FRMD4A: variants seen among roughly 807,000 people sequenced by gnomAD.
FRMD4A encodes the protein FERM domain containing 4A.
A neutral mutation model predicts 129.1 loss-of-function variants in FRMD4A; 29 were observed. The ratio of observed to expected loss-of-function variants is 0.22; its 90% CI spans 0.17 to 0.31. The LOEUF (loss-of-function observed/expected upper bound fraction) is 0.31, where lower values mean the gene tolerates loss of function less well. Among genes scored for constraint, FRMD4A ranks in the 10% least tolerant of loss-of-function variants. FRMD4A has a pLI of 1.00. For missense variants in FRMD4A, 1,272 were observed against 1,375.8 expected, an observed-to-expected ratio of 0.92 and a Z score of 1.19; for synonymous variants, 634 against 571.6, an observed-to-expected ratio of 1.11 and a Z score of -1.56.
At chr10:14,025,163 C>G (rs748040856) in intron 2 of FRMD4A, among the ~76,000 whole-genome samples, 2 of 152,162 alleles carry the variant, frequency 1.3e-5, no homozygotes, top group African/African-American at 2.4e-5. Context: ...TCCTATGCAC[C>G]CCCTCTGCTG....
At chr10:14,010,157 G>C (rs1463249679) in intron 2 of FRMD4A, among the ~76,000 whole-genome samples, 1 of 152,134 alleles carries the variant, frequency 6.6e-6, no homozygotes, top group Non-Finnish European at 1.5e-5. Context: ...AGAAGCCACT[G>C]TCCTCTTCTC....
In FRMD4A at chr10:13,656,982, C is replaced by CTTGAGCTGA; in HGVS notation, c.2606_2607insTCAGCTCAA (p.Thr869_Ser870insGlnLeuLys). The stretch of plus-strand genomic sequence containing the variant: ...GGCCGCCCGCCGTGTAGGAGTTGGA[C>CTTGAGCTGA]GTCTTGAACTGAGCCTTGACGCTGT... On this transcript the variant is annotated inframe_insertion, in exon 22 of 25. Transcript: ENST00000357447. 1 of 1,552,114 alleles carries CTTGAGCTGA rather than the reference C, an allele frequency of 6.4e-7. No homozygotes were observed. The highest frequency in any genetic ancestry group is 2.5e-5 in the East Asian group (1 of 39,878).
intron 3 of FRMD4A, among the ~76,000 whole-genome samples, chr10:13,825,453 C>G (rs536812955): frequency 6.6e-6 from 1 of 152,298 alleles, no homozygotes; most frequent in Non-Finnish European, 1.5e-5. Context: ...CCCGGGAACC[C>G]GAACCCTACT....
At chr10:13,946,438 A>G (rs980511170) in intron 2 of FRMD4A, among the ~76,000 whole-genome samples, 2 of 152,180 alleles carry the variant, frequency 1.3e-5, no homozygotes, top group Admixed American at 6.5e-5. Flanking sequence ...AGGTGCTCCT[A>G]TGTCATCGTC....
rs71388139 is a variant in FRMD4A at position 13,955,112 on chromosome 10, C to CTTTTTTTTTTTTTTTTTTTT, written c.46-96201_46-96200insAAAAAAAAAAAAAAAAAAAA. Among the ~76,000 whole-genome samples the CTTTTTTTTTTTTTTTTTTTT allele has an allele frequency of 8.8e-4, 91 of 102,950 alleles. 11 individuals carry two copies. Among genetic ancestry groups the CTTTTTTTTTTTTTTTTTTTT allele is most frequent in the African/African-American group, 1.4e-3 (36 of 25,884 alleles). The allele number at this position is 102,950 out of a possible 152,430, so 67.5% of individuals were successfully genotyped here. ...TTCCAACCCCATGTTAATAATTCTG[C>CTTTTTTTTTTTTTTTTTTTT]TTTTTTTTTTTTTGAGACGGAGTAT... On this transcript the variant is annotated intron_variant, in intron 2 of 24. Transcript: ENST00000357447.
rs1050584101 is a variant in FRMD4A, at chr10:14,324,913, A to G, written c.45+5145T>C. 2.6e-5 allele frequency among the ~76,000 whole-genome samples: 4 copies of G among 152,300 alleles called. No homozygotes were observed. In the South Asian group the frequency reaches 8.3e-4, roughly 32 times the overall value. Reference sequence around the variant, plus strand: ...TGACCTCAGGTGATCTGCCTGCCTCAGCTTCCCAAAGTGCTGGGATTACAG... The same window carrying G: ...TGACCTCAGGTGATCTGCCTGCCTCGGCTTCCCAAAGTGCTGGGATTACAG... On this transcript the variant is annotated intron_variant, in intron 2 of 24. Transcript: ENST00000357447.
chr10:14,023,518 G>C (rs1832856317), intron 2 of FRMD4A, among the ~76,000 whole-genome samples: 1 of 152,186 alleles, frequency 6.6e-6, no homozygotes, highest in South Asian at 2.1e-4. Context: ...CCCGGGGGCA[G>C]CGCAGTGTTG....
intron 2 of FRMD4A, among the ~76,000 whole-genome samples, chr10:13,878,786 GAGAA>G (rs72274232): frequency 0.12 from 17,093 of 140,658 alleles, 1,064 homozygotes; most frequent in African/African-American, 0.14. Flanking sequence ...GAGAGAGAGA[GAGAA>G]AGAGAGAAGG....
intron 2 of FRMD4A, among the ~76,000 whole-genome samples, chr10:13,861,018 T>C (rs1433860311): frequency 2.6e-5 from 4 of 152,204 alleles, no homozygotes; most frequent in Admixed American, 2.6e-4. Context: ...TTGGAACTGC[T>C]ATCCTGATGA....
intron 2 of FRMD4A, among the ~76,000 whole-genome samples, chr10:14,189,091 A>C (rs898006542): frequency 2.0e-5 from 3 of 152,086 alleles, no homozygotes; most frequent in African/African-American, 7.2e-5. Flanking sequence ...ATGGCTGTGT[A>C]TTTCCACCTC....
intron 3 of FRMD4A, among the ~76,000 whole-genome samples, chr10:13,853,909 G>A (rs566430447): frequency 4.7e-4 from 72 of 152,092 alleles, no homozygotes; most frequent in Middle Eastern, 3.4e-3. Flanking sequence ...AAAGTGATGG[G>A]GAGAAGCACT....
At chr10:13,993,852 T>A (rs74228003) in intron 2 of FRMD4A, among the ~76,000 whole-genome samples, 62,839 of 151,162 alleles carry the variant, frequency 0.42, 13,376 homozygotes, top group East Asian at 0.63. Flanking sequence ...TTTTTTTTTT[T>A]AAAAAAATAT....
intron 3 of FRMD4A, among the ~76,000 whole-genome samples, chr10:13,812,546 A>G (rs2093467092): frequency 6.6e-6 from 1 of 152,250 alleles, no homozygotes; most frequent in Non-Finnish European, 1.5e-5. Context: ...AGACAGAAAA[A>G]TAAGCAAGGT....
chr10:13,761,278 C>T (rs1415945328), intron 8 of FRMD4A, among the ~76,000 whole-genome samples: 1 of 152,202 alleles, frequency 6.6e-6, no homozygotes, highest in Non-Finnish European at 1.5e-5. Flanking sequence ...AAAAAGATGT[C>T]CACCTACTTG....
At chr10:14,058,992 A>C (rs1834678056) in intron 2 of FRMD4A, among the ~76,000 whole-genome samples, 1 of 152,190 alleles carries the variant, frequency 6.6e-6, no homozygotes, top group South Asian at 2.1e-4. Context: ...GACAATGACA[A>C]TGCATTTGGA....
intron 2 of FRMD4A, among the ~76,000 whole-genome samples, chr10:14,077,838 C>T (rs1354064878): frequency 6.6e-6 from 1 of 152,224 alleles, no homozygotes; most frequent in African/African-American, 2.4e-5. Flanking sequence ...GTCCCATTCT[C>T]ATATAGGCTT....
chr10:13,750,109 G>GAAAGGAAGAAAGAAAGAAAGA (rs59377985), intron 8 of FRMD4A, among the ~76,000 whole-genome samples: 1 of 73,578 alleles, frequency 1.4e-5, no homozygotes. Context: ...AGAAAGAAAT[G>GAAAGGAAGAAAGAAAGAAAGA]AAGAAAGAAA....
At chr10:14,194,202 G>A (rs1487707982) in intron 2 of FRMD4A, among the ~76,000 whole-genome samples, 7 of 152,314 alleles carry the variant, frequency 4.6e-5, no homozygotes. Flanking sequence ...CTAGCGATGT[G>A]AGAACATTCA....
At chr10:13,656,274 T>C (rs2082133271) in intron 22 of FRMD4A, among the ~76,000 whole-genome samples, 1 of 152,210 alleles carries the variant, frequency 6.6e-6, no homozygotes, top group African/African-American at 2.4e-5. Flanking sequence ...TGGGATACTC[T>C]CCTCACTAGG....
Sources: allele counts gnomAD v4.1 joint callset (sites outside exome capture counted in the v4.1 genomes callset), GRCh38; gene constraint gnomAD v4.1.1; transcripts MANE v1.5; gene names NCBI Gene and HGNC (gene_info 2026-07-23, HGNC 2026-07-21).